Variants in ASB17 observed in about 807,000 individuals in gnomAD.
ASB17 encodes ankyrin repeat and SOCS box containing 17.
In ASB17, 26 loss-of-function variants were observed where a neutral mutation model predicts 25.7. That is an observed-to-expected ratio of 1.01 (90% CI 0.74 to 1.40). ASB17 has a LOEUF of 1.40. Ranked by LOEUF, ASB17 falls within the 40% of genes most tolerant of loss-of-function variation. ASB17 has a pLI of 0.00. For missense variants in ASB17, 326 were observed against 338.5 expected (o/e 0.96, Z 0.29); for synonymous variants, 128 against 121.4 (o/e 1.05, Z -0.36).
intron 1 of ASB17, among the ~76,000 whole-genome samples, chr1:75,927,096 T>C (rs1390331366): frequency 6.6e-6 from 1 of 152,134 alleles, no homozygotes; most frequent in Non-Finnish European, 1.5e-5. Context: ...GCTTTGAAGA[T>C]GAAGAGGCTA....
chr1:75,920,206 A>G (rs901019419), intron 2 of ASB17, among the ~76,000 whole-genome samples: 6 of 152,344 alleles, frequency 3.9e-5, no homozygotes, highest in Admixed American at 3.9e-4. Context: ...GGCCTGTCCA[A>G]ATGAAAAGAT....
Position 75,922,408 on chromosome 1 carries a change from G to A in ASB17, c.402-49C>T, listed in dbSNP as rs775061806. 4.5e-6 allele frequency: 6 copies of A among 1,326,490 alleles called. No individual in the cohort carries two copies. The South Asian group carries it at 8.9e-5, about 20-fold the overall frequency. 82.2% of individuals were successfully genotyped at this position (1,326,490 alleles called of 1,614,324 possible). A position where few individuals can be genotyped will look rare whatever the true frequency, so the allele number is the denominator to read the frequency against. On this transcript the variant is annotated intron_variant, in intron 1 of 2. Coordinates refer to ENST00000284142, the MANE Select transcript of ASB17 (RefSeq NM_080868.3). Reference sequence around the variant, plus strand: ...CTCATTGGATATAGAATTAAGAAATGTGACAAACACTTTATCTTGCTAGTA... The same window carrying A: ...CTCATTGGATATAGAATTAAGAAATATGACAAACACTTTATCTTGCTAGTA...
Position 75,919,092 on chromosome 1 carries a change from A to G in ASB17, c.748T>C (p.Tyr250His), listed in dbSNP as rs144324004. The G allele has an allele frequency of 1.2e-6, 2 of 1,613,012 alleles. No homozygotes were observed. Among genetic ancestry groups the G allele is most frequent in the African/African-American group, 1.3e-5 (1 of 74,912 alleles). Residue 250 changes from tyrosine (Y) to histidine (H), a missense_variant, in exon 3 of 3, where the codon TAC becomes CAC. Transcript: ENST00000284142. Reference sequence around the variant, plus strand: ...TGTAATAGTTCACATGGATCTTTGTATCTTGTTGAAGGAATGTAATCAAAC... The same window carrying G: ...TGTAATAGTTCACATGGATCTTTGTGTCTTGTTGAAGGAATGTAATCAAAC... The part of the protein sequence containing the change: ...NWFDYIPSTR[Y>H]KDPCELLHLC...
At chr1:75,928,565 A>C (rs1653236101) in intron 1 of ASB17, among the ~76,000 whole-genome samples, 1 of 152,236 alleles carries the variant, frequency 6.6e-6, no homozygotes. Context: ...ATGTTGTCGA[A>C]GTAAAGAACA....
intron 1 of ASB17, among the ~76,000 whole-genome samples, chr1:75,923,150 A>G (rs1280929865): frequency 6.6e-6 from 1 of 152,190 alleles, no homozygotes; most frequent in African/African-American, 2.4e-5. Context: ...GAGTTTGGAA[A>G]TTAGGAAAGG....
intron 2 of ASB17, among the ~76,000 whole-genome samples, chr1:75,920,719 G>T (rs1267249844): frequency 6.6e-6 from 1 of 152,134 alleles, no homozygotes; most frequent in African/African-American, 2.4e-5. Context: ...TTGCCACTTA[G>T]GCAGATGATT....
chr1:75,922,876 T>G (rs1320292197), intron 1 of ASB17, among the ~76,000 whole-genome samples: 6 of 152,288 alleles, frequency 3.9e-5, no homozygotes, highest in Admixed American at 2.6e-4. Context: ...ACCAAACACT[T>G]AAACCCCATT....
intron 1 of ASB17, among the ~76,000 whole-genome samples, chr1:75,924,743 T>C (rs887240766): frequency 1.3e-5 from 2 of 152,084 alleles, no homozygotes; most frequent in African/African-American, 4.8e-5. Context: ...GTATGCAGTT[T>C]CCCAAACCAC....
At chr1:75,928,563 GA>G (rs1220763188) in intron 1 of ASB17, among the ~76,000 whole-genome samples, 1 of 152,164 alleles carries the variant, frequency 6.6e-6, no homozygotes, top group Non-Finnish European at 1.5e-5. Flanking sequence ...TGATGTTGTC[GA>G]AGTAAAGAAC....
chr1:75,923,529 A>G (rs1221791418), intron 1 of ASB17, among the ~76,000 whole-genome samples: 1 of 152,140 alleles, frequency 6.6e-6, no homozygotes, highest in Non-Finnish European at 1.5e-5. Context: ...GCCAAGTAAT[A>G]TGGTTTTTAG....
intron 1 of ASB17, among the ~76,000 whole-genome samples, chr1:75,925,713 T>C (rs1653152079): frequency 6.6e-6 from 1 of 152,196 alleles, no homozygotes; most frequent in South Asian, 2.1e-4. Flanking sequence ...GCTTATGAAA[T>C]GGGGCATAAT....
intron 1 of ASB17, 50 bp downstream of exon 1, chr1:75,931,841 C>A: frequency 6.7e-7 from 1 of 1,490,030 alleles, no homozygotes; most frequent in South Asian, 1.4e-5. Context: ...ACTCTACTCT[C>A]GTAAAGATAA....
chr1:75,922,357 G>A lies in ASB17; in HGVS notation c.404C>T (p.Thr135Ile). ...GCTTGGACAGTATACTGGTGTGAAA[G>A]TTCTGTGAATTAAACAAAACAAAAA... ...RSCNLALIWR[T>I]FTPVYCPSPL... The change falls in exon 2 of 3, where the codon ACT (threonine) becomes ATT (isoleucine). Residue 135 changes from threonine to isoleucine, a missense_variant and splice_region_variant. Physicochemically the swap from Thr to Ile is moderately conservative, Grantham distance 89. Coordinates refer to ENST00000284142, the MANE Select transcript of ASB17 (RefSeq NM_080868.3). 2 of 1,568,248 alleles carry A rather than the reference G, an allele frequency of 1.3e-6. No homozygotes were observed. The highest frequency in any genetic ancestry group is 1.4e-5 in the African/African-American group (1 of 73,504).
chr1:75,919,333 C>T (rs1223571454), intron 2 of ASB17, among the ~76,000 whole-genome samples, 175 bp from the exon 3 acceptor site: 1 of 151,754 alleles, frequency 6.6e-6, no homozygotes, highest in Non-Finnish European at 1.5e-5. Flanking sequence ...CCATTTTTTT[C>T]CACAGGGATA....
chr1:75,932,058 TC>T lies in ASB17; in HGVS notation c.233del (p.Gly78AspfsTer6). 1 of 1,614,116 alleles carries T rather than the reference TC, an allele frequency of 6.2e-7. No individual in the cohort carries two copies. The highest frequency in any genetic ancestry group is 1.3e-5 in the African/African-American group (1 of 75,048). ...TDYIAFVEKS[G>X]YRFEVSFNLD... ...GGTTAAAACTTACTTCAAAACGGTA[TC>T]CTGATTTTTCCACAAATGCAATGTA... On this transcript the variant is annotated frameshift_variant, in exon 1 of 3. Coordinates refer to ENST00000284142, the MANE Select transcript of ASB17 (RefSeq NM_080868.3). LOFTEE classifies it high-confidence loss of function.
chr1:75,931,848 A>G, intron 1 of ASB17, 43 bp downstream of exon 1: 1 of 1,506,314 alleles, frequency 6.6e-7, no homozygotes, highest in East Asian at 2.3e-5. Flanking sequence ...TCTCGTAAAG[A>G]TAAATTTTCT....
rs201311331 is a variant in ASB17, at chr1:75,931,976, C to T, written c.316G>A (p.Gly106Ser). ...TILYWVFARK[G>S]NPDFVELLLK... The stretch of plus-strand genomic sequence containing the variant: ...AGCAATTCCACAAAGTCAGGATTAC[C>T]TTTTCTGGCAAAAACCCAGTACAGA... Residue 106 changes from glycine (G) to serine (S), a missense_variant, in exon 1 of 3, where the codon GGT (glycine) becomes AGT (serine). Gly to Ser is a moderately conservative substitution (Grantham distance 56). Transcript: ENST00000284142. 1.2e-6 allele frequency: 2 copies of T among 1,613,996 alleles called. No homozygotes were observed. The highest frequency in any genetic ancestry group is 3.3e-5 in the Admixed American group (2 of 60,000).
chr1:75,919,735 C>T (rs1208400999), intron 2 of ASB17, among the ~76,000 whole-genome samples: 3 of 152,156 alleles, frequency 2.0e-5, no homozygotes, highest in Non-Finnish European at 4.4e-5. Flanking sequence ...TTTATGGCTG[C>T]ATAGTATTCC....
chr1:75,927,484 T>G (rs1411605453), intron 1 of ASB17, among the ~76,000 whole-genome samples: 1 of 152,172 alleles, frequency 6.6e-6, no homozygotes, highest in Admixed American at 6.5e-5. Flanking sequence ...TAAGTTCTCA[T>G]AATTTGCCTG....
Sources: allele counts gnomAD v4.1 joint callset (sites outside exome capture counted in the v4.1 genomes callset), GRCh38; gene constraint gnomAD v4.1.1; transcripts MANE v1.5; gene names NCBI Gene and HGNC (gene_info 2026-07-23, HGNC 2026-07-21).